PAFAH1B1: variants seen among roughly 807,000 people sequenced by gnomAD.
The protein encoded by PAFAH1B1 is platelet activating factor acetylhydrolase 1b regulatory subunit 1.
In PAFAH1B1, 2 loss-of-function variants were observed where a neutral mutation model predicts 57.5. The observed-to-expected ratio is 0.03, with a 90% CI of 0.01 to 0.11. The LOEUF is 0.11. Among genes scored for constraint, PAFAH1B1 ranks in the 10% least tolerant of loss-of-function variants. The probability of loss-of-function intolerance (pLI) is 1.00; values close to 1 mark genes in which losing one functional copy is unlikely to be tolerated. For synonymous variants in PAFAH1B1, 152 were observed against 169.6 expected, an observed-to-expected ratio of 0.90 and a Z score of 0.81; for missense variants, 257 against 512.0, an observed-to-expected ratio of 0.50 and a Z score of 4.81.
chr17:2,633,118 G>A (rs889551478), intron 1 of PAFAH1B1, among the ~76,000 whole-genome samples: 1 of 150,796 alleles, frequency 6.6e-6, no homozygotes, highest in East Asian at 1.9e-4. Context: ...CATTTCTCCT[G>A]TGGTCTTTTT....
chr17:2,602,251 GAAA>G (rs67749703), intron 1 of PAFAH1B1, among the ~76,000 whole-genome samples: 1 of 144,662 alleles, frequency 6.9e-6, no homozygotes, highest in Non-Finnish European at 1.5e-5. Flanking sequence ...TCCACCTACT[GAAA>G]AAAAAAACAA....
intron 4 of PAFAH1B1, 40 bp downstream of exon 4, chr17:2,666,130 T>G (rs201562581): frequency 1.5e-6 from 2 of 1,344,448 alleles, no homozygotes; most frequent in Admixed American, 4.5e-5. Flanking sequence ...TTGTATTCAG[T>G]TATATAAACT....
At chr17:2,634,464 T>C (rs770884052) in intron 1 of PAFAH1B1, among the ~76,000 whole-genome samples, 1 of 152,158 alleles carries the variant, frequency 6.6e-6, no homozygotes, top group Non-Finnish European at 1.5e-5. Context: ...CAGAAATCAC[T>C]TGACTCCTTG....
rs2069164808 is a variant in PAFAH1B1, at chr17:2,670,324, C to T, written c.561C>T (p.Thr187=). ...TTCAGGGCTTTGAATGCATCAGAAC[C>T]ATGCACGGTAAGGGGTAGAGGATAG... ...WDFQGFECIR[T]MHGHDHNVSS... Residue 187 remains threonine, a synonymous_variant, in exon 6 of 11, where the codon ACC becomes ACT. Coordinates refer to ENST00000397195, the MANE Select transcript of PAFAH1B1 (RefSeq NM_000430.4). 1 of 1,613,394 alleles carries T rather than the reference C, an allele frequency of 6.2e-7. No individual in the cohort carries two copies. The highest frequency in any genetic ancestry group is 1.3e-5 in the African/African-American group (1 of 75,038).
intron 1 of PAFAH1B1, among the ~76,000 whole-genome samples, chr17:2,611,640 T>G (rs1384994173): frequency 1.3e-5 from 2 of 152,114 alleles, no homozygotes; most frequent in Admixed American, 6.6e-5. Flanking sequence ...TTGTTTTGAG[T>G]CGGAGTCTCG....
chr17:2,595,306 G>T (rs145257996), intron 1 of PAFAH1B1, among the ~76,000 whole-genome samples: 15 of 152,276 alleles, frequency 9.9e-5, no homozygotes, highest in Non-Finnish European at 2.1e-4. Flanking sequence ...TTTTTGTTGG[G>T]GGGGTGGGTT....
chr17:2,648,953 G>C (rs1425362599), intron 2 of PAFAH1B1, among the ~76,000 whole-genome samples: 1 of 151,920 alleles, frequency 6.6e-6, no homozygotes, highest in Non-Finnish European at 1.5e-5. Flanking sequence ...CATGTAGTAA[G>C]GCAACAGAAA....
chr17:2,616,091 C>T (rs1224031057), intron 1 of PAFAH1B1, among the ~76,000 whole-genome samples: 3 of 152,164 alleles, frequency 2.0e-5, no homozygotes, highest in Non-Finnish European at 2.9e-5. Context: ...TTATTCAGCA[C>T]ATCTTTCTTG....
At chr17:2,665,590 C>CTTTTTTT in intron 3 of PAFAH1B1, 134 bp downstream of exon 3, 2 of 529,008 alleles carry the variant, frequency 3.8e-6, no homozygotes, top group Non-Finnish European at 6.7e-6. Flanking sequence ...ATTTTCACTC[C>CTTTTTTT]TTTTTTTTTT....
intron 2 of PAFAH1B1, among the ~76,000 whole-genome samples, chr17:2,652,123 A>G (rs2068859611): frequency 1.3e-5 from 2 of 149,812 alleles, no homozygotes; most frequent in African/African-American, 4.9e-5. Context: ...TGTACTTAAC[A>G]TTTCTAGGCC....
At chr17:2,643,083 CTTTG>C (rs760795206) in intron 2 of PAFAH1B1, among the ~76,000 whole-genome samples, 3 of 151,538 alleles carry the variant, frequency 2.0e-5, no homozygotes, top group South Asian at 2.1e-4. Flanking sequence ...TGTATATGTT[CTTTG>C]TTTGTTTTTT....
intron 5 of PAFAH1B1, 101 bp downstream of exon 5, chr17:2,667,299 A>G: frequency 1.2e-6 from 1 of 830,276 alleles, no homozygotes; most frequent in South Asian, 1.4e-5. Flanking sequence ...GCACCACTGC[A>G]CTCCAGCCTG....
chr17:2,622,061 C>T (rs2068432160), intron 1 of PAFAH1B1, among the ~76,000 whole-genome samples: 1 of 152,118 alleles, frequency 6.6e-6, no homozygotes, highest in Non-Finnish European at 1.5e-5. Context: ...ATGGGAAAGA[C>T]CAGCCTCCAT....
At chr17:2,657,982 A>G (rs1011660969) in intron 2 of PAFAH1B1, among the ~76,000 whole-genome samples, 2 of 152,166 alleles carry the variant, frequency 1.3e-5, no homozygotes, top group African/African-American at 2.4e-5. Context: ...TATCTTTCCT[A>G]TTGTACAACC....
Position 2,593,692 on chromosome 17 carries a change from C to T in PAFAH1B1, c.-505C>T, listed in dbSNP as rs1336057399. On this transcript the variant is annotated 5_prime_UTR_variant, in exon 1 of 11. Coordinates refer to ENST00000397195, the MANE Select transcript of PAFAH1B1 (RefSeq NM_000430.4). Reference sequence around the variant, plus strand: ...GCGGCGGGGCGGCGGCGGAGTCCGGCGGCCGGGAGAGCGAGTGAGCGAGCG... The same window carrying T: ...GCGGCGGGGCGGCGGCGGAGTCCGGTGGCCGGGAGAGCGAGTGAGCGAGCG... 1.7e-5 allele frequency: 5 copies of T among 296,718 alleles called. No individual in the cohort carries two copies. Among genetic ancestry groups the T allele is most frequent in the South Asian group, 1.3e-4 (1 of 7,484 alleles). 18.4% of individuals were successfully genotyped at this position (296,718 alleles called of 1,614,324 possible).
At chr17:2,614,201 A>C (rs1222904276) in intron 1 of PAFAH1B1, among the ~76,000 whole-genome samples, 1 of 151,282 alleles carries the variant, frequency 6.6e-6, no homozygotes, top group Non-Finnish European at 1.5e-5. Context: ...GCTAATTTTT[A>C]AATTTGTGGT....
intron 1 of PAFAH1B1, 110 bp downstream of exon 1, chr17:2,594,116 C>CCATTCTCCCCTCCCCCT (rs1373537792): frequency 2.5e-6 from 1 of 396,606 alleles, no homozygotes; most frequent in Non-Finnish European, 4.4e-6. Flanking sequence ...CCCCTCCCTC[C>CCATTCTCCCCTCCCCCT]CATTCTCCCC....
In PAFAH1B1 at chr17:2,624,768, C is replaced by T. The variant is rs568304919; in HGVS notation, c.-190-13331C>T. On this transcript the variant is annotated intron_variant, in intron 1 of 10. Transcript: ENST00000397195. ...GTGTTGCCCAGGCTAGTCTTGAACT[C>T]CTGGGCTCAAGCGATCTGCATGCCT... Among the ~76,000 whole-genome samples, 82 of 152,246 alleles carry T rather than the reference C, an allele frequency of 5.4e-4. 1 individual carries two copies. The highest frequency in any genetic ancestry group is 8.8e-4 in the Non-Finnish European group (60 of 68,008).
chr17:2,665,869 T>C, intron 3 of PAFAH1B1, 147 bp from the exon 4 acceptor site: 1 of 825,414 alleles, frequency 1.2e-6, no homozygotes, highest in Non-Finnish European at 1.8e-6. Context: ...CCCAAAGTGC[T>C]GGGATTACAG....
Sources: allele counts gnomAD v4.1 joint callset (sites outside exome capture counted in the v4.1 genomes callset), GRCh38; gene constraint gnomAD v4.1.1; transcripts MANE v1.5; gene names NCBI Gene and HGNC (gene_info 2026-07-23, HGNC 2026-07-21).